Variants in RASEF observed in about 807,000 individuals in gnomAD.
The protein encoded by RASEF is ras and EF-hand domain-containing protein.
In RASEF, 68 loss-of-function variants were observed where a neutral mutation model predicts 90.1. The ratio of observed to expected loss-of-function variants is 0.75; its 90% CI spans 0.62 to 0.92. The LOEUF (loss-of-function observed/expected upper bound fraction) is 0.92. RASEF is among the 40% of genes least tolerant of loss of function. RASEF has a pLI of 0.00. For synonymous variants in RASEF, 331 were observed against 345.2 expected (o/e 0.96, Z 0.46); for missense variants, 949 against 937.2 (o/e 1.01, Z -0.16).
chr9:83,019,336 T>C (rs1381904050), intron 3 of RASEF, among the ~76,000 whole-genome samples: 1 of 152,022 alleles, frequency 6.6e-6, no homozygotes, highest in Non-Finnish European at 1.5e-5. Flanking sequence ...AAAATATATA[T>C]ATATACACAT....
chr9:83,172,143 T>C, the RASEF span, among the ~76,000 whole-genome samples: 1 of 151,834 alleles, frequency 6.6e-6, no homozygotes, highest in East Asian at 1.9e-4. Context: ...TTTTTATTTC[T>C]TTTTTAATTT....
chr9:82,984,244 G>A (rs148328738), intron 16 of RASEF, among the ~76,000 whole-genome samples: 12 of 151,860 alleles, frequency 7.9e-5, no homozygotes, highest in East Asian at 5.8e-4. Flanking sequence ...TTGTCATTTC[G>A]GCATGTGGTC....
chr9:82,988,268 C>G (rs1278493135), intron 16 of RASEF, among the ~76,000 whole-genome samples: 1 of 152,174 alleles, frequency 6.6e-6, no homozygotes, highest in Non-Finnish European at 1.5e-5. Context: ...TCCCTGTGCA[C>G]CCATAAGTGC....
At chr9:83,202,692 C>T in the RASEF span, among the ~76,000 whole-genome samples, 121,112 of 151,984 alleles carry the variant, frequency 0.8, 48,806 homozygotes, top group East Asian at 0.96. Flanking sequence ...GAGATGGGGT[C>T]TTGCCATGTT....
At chr9:83,097,974 A>T in the RASEF span, among the ~76,000 whole-genome samples, 2 of 152,158 alleles carry the variant, frequency 1.3e-5, no homozygotes, top group Non-Finnish European at 2.9e-5. Flanking sequence ...GTTATTTCTT[A>T]TTTCTTACAA....
At chr9:83,158,762 A>ATATTTATG in the RASEF span, among the ~76,000 whole-genome samples, 3 of 36,868 alleles carry the variant, frequency 8.1e-5, no homozygotes, top group African/African-American at 4.7e-4. Flanking sequence ...ATATATGTAT[A>ATATTTATG]TATACACACA....
At chr9:83,040,363 T>C (rs150314464) in intron 1 of RASEF, among the ~76,000 whole-genome samples, 29 of 152,314 alleles carry the variant, frequency 1.9e-4, no homozygotes, top group African/African-American at 7.0e-4. Flanking sequence ...TTTAACAAAA[T>C]ATTATTTATA....
the RASEF span, among the ~76,000 whole-genome samples, chr9:83,073,117 A>C: frequency 6.6e-6 from 1 of 152,030 alleles, no homozygotes; most frequent in Non-Finnish European, 1.5e-5. Flanking sequence ...CCCCATCCCC[A>C]TAAGTCCCCC....
chr9:83,014,741 A>T (rs1829313114), intron 4 of RASEF, among the ~76,000 whole-genome samples: 1 of 152,258 alleles, frequency 6.6e-6, no homozygotes, highest in Non-Finnish European at 1.5e-5. Context: ...CTGTACCAGC[A>T]GGTGAGAGTC....
At chr9:83,015,706 C>T (rs1976455) in intron 4 of RASEF, 99 bp downstream of exon 4, 435,206 of 858,530 alleles carry the variant, frequency 0.51, 112,357 homozygotes, top group East Asian at 0.73. Flanking sequence ...CTGATCTATC[C>T]GCCACTTCAA....
the RASEF span, among the ~76,000 whole-genome samples, chr9:83,089,821 C>T: frequency 6.6e-6 from 1 of 151,992 alleles, no homozygotes; most frequent in African/African-American, 2.4e-5. Flanking sequence ...AAATTTGGGA[C>T]ATTTCGGCCA....
the RASEF span, among the ~76,000 whole-genome samples, chr9:83,154,680 C>G: frequency 6.6e-6 from 1 of 152,306 alleles, no homozygotes; most frequent in East Asian, 1.9e-4. Flanking sequence ...TCTTTCTACC[C>G]CATGGTGATA....
chr9:83,123,486 TTCCC>T, the RASEF span, among the ~76,000 whole-genome samples: 1 of 152,290 alleles, frequency 6.6e-6, no homozygotes, highest in South Asian at 2.1e-4. Flanking sequence ...TATAGCACCC[TTCCC>T]TGGTTAATCC....
At chr9:83,162,480 G>A in the RASEF span, among the ~76,000 whole-genome samples, 2 of 152,120 alleles carry the variant, frequency 1.3e-5, no homozygotes, top group East Asian at 1.9e-4. Context: ...ATCTTGTTGG[G>A]AAATCGTTTT....
At chr9:83,059,065 G>C (rs979617624) in intron 1 of RASEF, among the ~76,000 whole-genome samples, 2 of 152,198 alleles carry the variant, frequency 1.3e-5, no homozygotes, top group Middle Eastern at 6.8e-3. Context: ...ACCCTCAGTG[G>C]TTCCAGTGCC....
chr9:83,022,186 C>A (rs1330086847), intron 3 of RASEF, 150 bp downstream of exon 3: 1 of 646,362 alleles, frequency 1.5e-6, no homozygotes, highest in South Asian at 1.9e-5. Flanking sequence ...CCCCAAAAAC[C>A]ACCACCAGTA....
At chr9:83,149,573 G>A in the RASEF span, among the ~76,000 whole-genome samples, 1 of 152,286 alleles carries the variant, frequency 6.6e-6, no homozygotes, top group Admixed American at 6.5e-5. Flanking sequence ...TGAGGCAGCA[G>A]GGTAGGCAGG....
the RASEF span, among the ~76,000 whole-genome samples, chr9:83,117,573 G>A: frequency 6.6e-6 from 1 of 152,194 alleles, no homozygotes; most frequent in African/African-American, 2.4e-5. Flanking sequence ...CTTATCTGAA[G>A]ATTTCTTAAA....
intron 14 of RASEF, among the ~76,000 whole-genome samples, 156 bp downstream of exon 14, chr9:82,996,856 T>C (rs1564070961): frequency 6.6e-6 from 1 of 152,242 alleles, no homozygotes; most frequent in Non-Finnish European, 1.5e-5. Context: ...AAGAGATGAA[T>C]GCTGCCAGTT....
Sources: gnomAD v4.1 joint callset for allele counts (sites outside exome capture counted in the v4.1 genomes callset) on GRCh38, gnomAD v4.1.1 for gene constraint, MANE v1.5 for transcripts, NCBI Gene and HGNC (gene_info 2026-07-23, HGNC 2026-07-21) for gene names.